The following NF1 variants were observed in gnomAD, a reference collection of about 807,000 sequenced individuals.
NF1 encodes neurofibromin.
NF1 carries 122 observed loss-of-function variants against 325.7 expected under a neutral mutation model. That is an observed-to-expected ratio of 0.37 (90% CI 0.32 to 0.44). NF1 has a LOEUF of 0.44. Ranked by LOEUF, NF1 falls within the 20% of genes least tolerant of loss-of-function variation. The pLI, the probability that NF1 is intolerant of heterozygous loss-of-function variation, is 1.00. For missense variants in NF1, 2,140 were observed against 3,415.4 expected (o/e 0.63, Z 9.31); for synonymous variants, 1,091 against 1,186.0 (o/e 0.92, Z 1.65).
intron 1 of NF1, 136 bp downstream of exon 1, chr17:31,095,505 G>T: frequency 1.7e-6 from 1 of 582,374 alleles, no homozygotes. Flanking sequence ...GAAGAGAAGG[G>T]AAGGGGGGAT....
chr17:31,156,237 G>T, intron 2 of NF1, 111 bp downstream of exon 2: 2 of 1,258,596 alleles, frequency 1.6e-6, no homozygotes, highest in South Asian at 2.5e-5. Context: ...GTGGACTTTG[G>T]ATATAACCAT....
Position 31,095,208 on chromosome 17 carries a change from T to A in NF1, c.-102T>A. ...GGGAGCCTGCACTCCACAGACCCTC[T>A]CCTTGCCTCTTCCCTCACCTCAGCC... On this transcript the variant is annotated 5_prime_UTR_variant, in exon 1 of 58. Coordinates refer to ENST00000358273, the MANE Select transcript of NF1 (RefSeq NM_001042492.3). 9.2e-7 allele frequency: 1 copy of A among 1,089,384 alleles called. No homozygotes were observed. The highest frequency in any genetic ancestry group is 1.3e-6 in the Non-Finnish European group (1 of 746,596). 67.5% of individuals were successfully genotyped at this position (1,089,384 alleles called of 1,614,324 possible). A position where few individuals can be genotyped will look rare whatever the true frequency, so the allele number is the denominator to read the frequency against.
intron 36 of NF1, among the ~76,000 whole-genome samples, chr17:31,314,676 T>C (rs2068975753): frequency 6.6e-6 from 1 of 152,228 alleles, no homozygotes; most frequent in Admixed American, 6.5e-5. Flanking sequence ...ATTGTGTATA[T>C]GTACCATATT....
intron 56 of NF1, 107 bp from the exon 57 acceptor site, chr17:31,360,379 AG>A (rs774665673): frequency 9.7e-6 from 9 of 931,388 alleles, no homozygotes; most frequent in Non-Finnish European, 1.5e-5. Flanking sequence ...AGTAATACAA[AG>A]GAAGAAAAAT....
intron 27 of NF1, among the ~76,000 whole-genome samples, 176 bp from the exon 28 acceptor site, chr17:31,235,435 T>A (rs954251328): frequency 1.8e-4 from 27 of 152,208 alleles, no homozygotes. Flanking sequence ...TATATAGTCA[T>A]CTATCATAAA....
At chr17:31,314,183 T>C (rs2068963006) in intron 36 of NF1, 2 of 390,944 alleles carry the variant, frequency 5.1e-6, no homozygotes, top group Admixed American at 4.4e-5. Context: ...CTAAGAAATA[T>C]ATTACTTTAA....
chr17:31,288,881 TCTTAA>T (rs775860245), intron 36 of NF1, among the ~76,000 whole-genome samples: 7 of 152,044 alleles, frequency 4.6e-5, no homozygotes, highest in Non-Finnish European at 1.0e-4. Flanking sequence ...CCTCCCTCAT[TCTTAA>T]CTTTTCTTTG....
At chr17:31,331,079 C>T (rs1211890630) in intron 39 of NF1, 1 of 152,084 alleles carries the variant, frequency 6.6e-6, no homozygotes, top group Non-Finnish European at 1.5e-5. Context: ...AGCATATTTC[C>T]TGACCTTTTC....
intron 3 of NF1, among the ~76,000 whole-genome samples, chr17:31,160,944 C>CT: frequency 6.6e-6 from 1 of 152,210 alleles, no homozygotes; most frequent in Non-Finnish European, 1.5e-5. Flanking sequence ...TATGCTTTTT[C>CT]ATTAAATTTA....
In NF1 at chr17:31,149,706, G is replaced by A. The variant is rs548262790; in HGVS notation, c.61-6277G>A. 9.2e-5 allele frequency among the ~76,000 whole-genome samples: 14 copies of A among 152,252 alleles called. No homozygotes were observed. The East Asian group carries it at 1.9e-3, about 21-fold the overall frequency. On this transcript the variant is annotated intron_variant, in intron 1 of 57. Coordinates refer to ENST00000358273, the MANE Select transcript of NF1 (RefSeq NM_001042492.3). ...ATCAGAGGAGTCCACTAACCAGATC[G>A]TCCAAATCAATGACAATGGGTAGAT... is the stretch of plus-strand genomic sequence containing the variant.
chr17:31,108,103 A>G (rs1174082738), intron 1 of NF1, among the ~76,000 whole-genome samples: 2 of 151,764 alleles, frequency 1.3e-5, no homozygotes, highest in African/African-American at 4.8e-5. Flanking sequence ...ACTACACTCC[A>G]GCATGGGTGA....
chr17:31,262,513 C>G (rs2151467186), intron 35 of NF1, among the ~76,000 whole-genome samples: 1 of 152,220 alleles, frequency 6.6e-6, no homozygotes. Context: ...TCCTTCGTGT[C>G]TGTGATTTGA....
At chr17:31,262,115 A>G (rs1054409887) in intron 35 of NF1, among the ~76,000 whole-genome samples, 4 of 152,302 alleles carry the variant, frequency 2.6e-5, no homozygotes, top group African/African-American at 9.6e-5. Context: ...TTTAATACTT[A>G]CCAGGGAGTG....
chr17:31,248,596 G>A (rs2067440467), intron 29 of NF1, among the ~76,000 whole-genome samples: 1 of 152,010 alleles, frequency 6.6e-6, no homozygotes, highest in East Asian at 1.9e-4. Flanking sequence ...GTGCAGTGGT[G>A]CAGTCTTGGC....
chr17:31,347,453 C>A (rs1198441761), intron 48 of NF1, among the ~76,000 whole-genome samples: 2 of 152,116 alleles, frequency 1.3e-5, no homozygotes, highest in African/African-American at 4.8e-5. Flanking sequence ...GAATTAGATA[C>A]TAATATTTTG....
chr17:31,203,328 T>A (rs551021640), intron 11 of NF1, among the ~76,000 whole-genome samples: 1 of 152,346 alleles, frequency 6.6e-6, no homozygotes, highest in African/African-American at 2.4e-5. Flanking sequence ...AAAAACTACA[T>A]TGAATAATTT....
chr17:31,212,846 T>C (rs2066752890), intron 12 of NF1, among the ~76,000 whole-genome samples: 1 of 152,216 alleles, frequency 6.6e-6, no homozygotes, highest in Admixed American at 6.5e-5. Context: ...TACACCAGCA[T>C]CACTACAAAC....
chr17:31,319,701 CTG>C (rs1268056422), intron 36 of NF1, among the ~76,000 whole-genome samples: 1 of 149,138 alleles, frequency 6.7e-6, no homozygotes, highest in Non-Finnish European at 1.5e-5. Flanking sequence ...CCTGGACTGA[CTG>C]TGTCTTTCTG....
intron 1 of NF1, among the ~76,000 whole-genome samples, chr17:31,146,535 C>G (rs922212113): frequency 4.6e-5 from 7 of 152,202 alleles, no homozygotes; most frequent in African/African-American, 1.7e-4. Context: ...CCTTAGGTTT[C>G]TCTGCCCTCC....
Sources: gnomAD v4.1 joint callset for allele counts (sites outside exome capture counted in the v4.1 genomes callset) on GRCh38, gnomAD v4.1.1 for gene constraint, MANE v1.5 for transcripts, NCBI Gene and HGNC (gene_info 2026-07-23, HGNC 2026-07-21) for gene names.